The following LUZP2 variants were observed in gnomAD, a reference collection of about 807,000 sequenced individuals.
LUZP2 encodes the protein leucine zipper protein 2.
LUZP2 carries 52 observed loss-of-function variants against 51.6 expected under a neutral mutation model. The ratio of observed to expected loss-of-function variants is 1.01; its 90% CI spans 0.81 to 1.27. The LOEUF (loss-of-function observed/expected upper bound fraction) is 1.27, where lower values mean the gene tolerates loss of function less well. Among genes scored for constraint, LUZP2 ranks in the 50% most tolerant of loss-of-function variants. The pLI, the probability that LUZP2 is intolerant of heterozygous loss-of-function variation, is 0.00. For synonymous variants in LUZP2, 154 were observed against 137.3 expected, an observed-to-expected ratio of 1.12 and a Z score of -0.85; for missense variants, 436 against 395.4, an observed-to-expected ratio of 1.10 and a Z score of -0.87.
chr11:24,659,109 G>C (rs1855920457), intron 1 of LUZP2, among the ~76,000 whole-genome samples: 1 of 152,160 alleles, frequency 6.6e-6, no homozygotes, highest in Admixed American at 6.5e-5. Flanking sequence ...CTGCTATAAA[G>C]ACACATGCAA....
Position 24,497,125 on chromosome 11 carries a change from T to G in LUZP2, c.-119T>G. ...CCGTTCGTGTGCCCGTCTCCGCCTT[T>G]CCGCCTCGGAAGAGCGCTCATCACT... On this transcript the variant is annotated 5_prime_UTR_variant, in exon 1 of 12. Coordinates refer to ENST00000336930, the MANE Select transcript of LUZP2 (RefSeq NM_001009909.4). The G allele has an allele frequency of 1.1e-6, 1 of 910,664 alleles. No homozygotes were observed. The highest frequency in any genetic ancestry group is 2.8e-5 in the South Asian group (1 of 35,576). 56.4% of individuals were successfully genotyped at this position (910,664 alleles called of 1,614,324 possible). A position where few individuals can be genotyped will look rare whatever the true frequency, so the allele number is the denominator to read the frequency against.
intron 7 of LUZP2, among the ~76,000 whole-genome samples, chr11:24,961,687 T>C (rs1217793056): frequency 6.6e-6 from 1 of 152,208 alleles, no homozygotes; most frequent in Non-Finnish European, 1.5e-5. Context: ...TTGATGGGTC[T>C]TGACTCTTTA....
intron 5 of LUZP2, among the ~76,000 whole-genome samples, chr11:24,799,259 G>A (rs963249250): frequency 2.6e-5 from 4 of 152,124 alleles, no homozygotes; most frequent in Admixed American, 1.3e-4. Context: ...AGAGAAAACT[G>A]AGTAACACAT....
chr11:24,884,128 G>T (rs1258613575), intron 5 of LUZP2, among the ~76,000 whole-genome samples: 1 of 151,966 alleles, frequency 6.6e-6, no homozygotes, highest in Non-Finnish European at 1.5e-5. Flanking sequence ...AATTTATTCT[G>T]CACAGTTGGA....
chr11:24,751,362 G>T (rs981659735), intron 4 of LUZP2: 1 of 152,654 alleles, frequency 6.6e-6, no homozygotes, highest in Non-Finnish European at 1.5e-5. Flanking sequence ...GCAGTAGGAG[G>T]CATGCAAGAG....
At chr11:24,612,069 G>T (rs1252707818) in intron 1 of LUZP2, among the ~76,000 whole-genome samples, 1 of 152,046 alleles carries the variant, frequency 6.6e-6, no homozygotes, top group Non-Finnish European at 1.5e-5. Flanking sequence ...GAAATTCTAA[G>T]GAAGGAAGGG....
intron 7 of LUZP2, among the ~76,000 whole-genome samples, chr11:24,919,775 A>T (rs938975026): frequency 4.6e-5 from 7 of 150,710 alleles, no homozygotes; most frequent in African/African-American, 1.7e-4. Flanking sequence ...TAGTTCATGA[A>T]AATTATTTTA....
At chr11:24,922,086 G>A (rs933285070) in intron 7 of LUZP2, among the ~76,000 whole-genome samples, 1 of 152,104 alleles carries the variant, frequency 6.6e-6, no homozygotes, top group Non-Finnish European at 1.5e-5. Context: ...ACCTGTTGGG[G>A]CATCATGAAT....
intron 10 of LUZP2, among the ~76,000 whole-genome samples, chr11:25,071,872 A>G (rs1212047077): frequency 1.3e-5 from 2 of 152,150 alleles, no homozygotes; most frequent in Admixed American, 1.3e-4. Flanking sequence ...TAAATCACAC[A>G]TGATGAAAAA....
At chr11:24,617,860 A>G (rs1008395370) in intron 1 of LUZP2, among the ~76,000 whole-genome samples, 10 of 152,060 alleles carry the variant, frequency 6.6e-5, no homozygotes, top group African/African-American at 2.2e-4. Flanking sequence ...TAATAAATAA[A>G]TAAATAAATT....
intron 5 of LUZP2, among the ~76,000 whole-genome samples, chr11:24,792,158 G>T (rs1382562505): frequency 6.6e-6 from 1 of 152,022 alleles, no homozygotes; most frequent in African/African-American, 2.4e-5. Context: ...GCCAGGCACG[G>T]TGGTTCATGT....
At chr11:24,899,017 A>T (rs1853183479) in intron 5 of LUZP2, among the ~76,000 whole-genome samples, 1 of 152,214 alleles carries the variant, frequency 6.6e-6, no homozygotes, top group South Asian at 2.1e-4. Context: ...TGAAAATAAC[A>T]TACGCATATT....
chr11:24,583,615 C>T (rs910207008), intron 1 of LUZP2, among the ~76,000 whole-genome samples: 1 of 152,036 alleles, frequency 6.6e-6, no homozygotes, highest in African/African-American at 2.4e-5. Flanking sequence ...AGACACTTTT[C>T]ATCTTTCTCA....
chr11:24,703,252 CCT>C (rs1260304696), intron 1 of LUZP2, among the ~76,000 whole-genome samples: 15 of 152,232 alleles, frequency 9.9e-5, no homozygotes, highest in South Asian at 4.2e-4. Context: ...ATCCAATTAA[CCT>C]GGGAGTATCC....
chr11:24,602,521 T>G (rs1040336565), intron 1 of LUZP2, among the ~76,000 whole-genome samples: 3 of 151,042 alleles, frequency 2.0e-5, no homozygotes, highest in Admixed American at 6.6e-5. Flanking sequence ...AAATGCTAAG[T>G]GAGCATTTTC....
At chr11:24,848,513 A>G (rs80248795) in intron 5 of LUZP2, among the ~76,000 whole-genome samples, 2,798 of 152,130 alleles carry the variant, frequency 0.018, 88 homozygotes, top group African/African-American at 0.063. Context: ...TTTGCTACTT[A>G]CCCTTGAGCC....
At chr11:24,765,613 CTT>C (rs55867851) in intron 5 of LUZP2, among the ~76,000 whole-genome samples, 1 of 143,482 alleles carries the variant, frequency 7.0e-6, no homozygotes, top group Non-Finnish European at 1.5e-5. Flanking sequence ...TAATTTTTTC[CTT>C]TTTTTTCTTT....
chr11:24,687,196 A>G (rs1055112399), intron 1 of LUZP2, among the ~76,000 whole-genome samples: 1 of 152,204 alleles, frequency 6.6e-6, no homozygotes, highest in African/African-American at 2.4e-5. Flanking sequence ...TATGTATAAA[A>G]TGACATATGC....
At chr11:24,930,415 G>A (rs1277158529) in intron 7 of LUZP2, among the ~76,000 whole-genome samples, 6 of 152,042 alleles carry the variant, frequency 3.9e-5, no homozygotes, top group Non-Finnish European at 7.4e-5. Context: ...TTCTCATAGC[G>A]CTGGCTTAGC....
Sources: gnomAD v4.1 joint callset for allele counts (sites outside exome capture counted in the v4.1 genomes callset) on GRCh38, gnomAD v4.1.1 for gene constraint, MANE v1.5 for transcripts, NCBI Gene and HGNC (gene_info 2026-07-23, HGNC 2026-07-21) for gene names.